The following OLFM2 variants were observed in gnomAD, a reference collection of about 807,000 sequenced individuals.
The protein encoded by OLFM2 is olfactomedin 2.
In OLFM2, 20 loss-of-function variants were observed where a neutral mutation model predicts 43.9. The ratio of observed to expected loss-of-function variants is 0.46; its 90% CI spans 0.32 to 0.66. The LOEUF (loss-of-function observed/expected upper bound fraction) is 0.66. Ranked by LOEUF, OLFM2 falls within the 30% of genes least tolerant of loss-of-function variation. OLFM2 has a pLI of 0.04. For missense variants in OLFM2, 416 were observed against 643.6 expected (o/e 0.65, Z 3.83); for synonymous variants, 268 against 278.6 (o/e 0.96, Z 0.38).
At chr19:9,910,866 T>G (rs2046821773) in intron 1 of OLFM2, among the ~76,000 whole-genome samples, 1 of 151,342 alleles carries the variant, frequency 6.6e-6, no homozygotes, top group African/African-American at 2.4e-5. Flanking sequence ...AGTGGGTGGG[T>G]GTATGAGTGA....
intron 1 of OLFM2, among the ~76,000 whole-genome samples, chr19:9,890,381 G>T (rs529293890): frequency 6.6e-6 from 1 of 152,120 alleles, no homozygotes; most frequent in Non-Finnish European, 1.5e-5. Flanking sequence ...GGGAGGGGGC[G>T]GGCACTGTGG....
chr19:9,865,073 G>A (rs867195543), intron 1 of OLFM2, among the ~76,000 whole-genome samples: 4 of 151,882 alleles, frequency 2.6e-5, no homozygotes, highest in Admixed American at 1.3e-4. Context: ...CAACAAGGAT[G>A]GCCCAGTACA....
intron 1 of OLFM2, among the ~76,000 whole-genome samples, chr19:9,894,911 C>T (rs891337824): frequency 2.0e-5 from 3 of 151,918 alleles, no homozygotes; most frequent in Non-Finnish European, 2.9e-5. Flanking sequence ...ACTCCTTGAC[C>T]GCTCCCCCTG....
At chr19:9,933,808 C>G (rs2086499093) in intron 1 of OLFM2, among the ~76,000 whole-genome samples, 1 of 150,864 alleles carries the variant, frequency 6.6e-6, no homozygotes, top group Non-Finnish European at 1.5e-5. Context: ...CCACTTGCCT[C>G]AACTTCCCAA....
intron 1 of OLFM2, among the ~76,000 whole-genome samples, chr19:9,916,029 A>G (rs1249308760): frequency 1.3e-5 from 2 of 152,012 alleles, no homozygotes; most frequent in East Asian, 1.9e-4. Flanking sequence ...TGTCTGGGAC[A>G]TGGTAAGTTT....
At chr19:9,932,467 AAAAAG>A (rs1430483789) in intron 1 of OLFM2, among the ~76,000 whole-genome samples, 2 of 151,742 alleles carry the variant, frequency 1.3e-5, no homozygotes, top group African/African-American at 2.4e-5. Flanking sequence ...AAAAAAAAAA[AAAAAG>A]AAAGAAAGAG....
intron 1 of OLFM2, among the ~76,000 whole-genome samples, chr19:9,872,046 C>T (rs749131813): frequency 4.6e-5 from 7 of 152,114 alleles, no homozygotes; most frequent in Admixed American, 6.6e-5. Context: ...TCTCTGACTG[C>T]GAGAATGGCA....
intron 1 of OLFM2, among the ~76,000 whole-genome samples, chr19:9,871,113 T>C (rs1036080454): frequency 1.3e-5 from 2 of 151,324 alleles, no homozygotes; most frequent in Non-Finnish European, 2.9e-5. Context: ...CTACTAAAAA[T>C]ACAAAAAATT....
At chr19:9,905,798 C>G (rs116352274) in intron 1 of OLFM2, among the ~76,000 whole-genome samples, 3,838 of 152,236 alleles carry the variant, frequency 0.025, 93 homozygotes, top group South Asian at 0.066. Flanking sequence ...AGAAGAAAAG[C>G]TTTACCTGCA....
chr19:9,866,523 A>G (rs1048242814), intron 1 of OLFM2, among the ~76,000 whole-genome samples: 4 of 138,676 alleles, frequency 2.9e-5, no homozygotes, highest in African/African-American at 1.1e-4. Flanking sequence ...TTTTTGAGAC[A>G]GGGTCTTGCT....
At chr19:9,891,890 T>A (rs887809840) in intron 1 of OLFM2, among the ~76,000 whole-genome samples, 4 of 151,948 alleles carry the variant, frequency 2.6e-5, no homozygotes, top group Non-Finnish European at 5.9e-5. Context: ...TATATATAGG[T>A]TTATGTGTGT....
At chr19:9,887,803 C>T (rs1376879663) in intron 1 of OLFM2, among the ~76,000 whole-genome samples, 1 of 152,126 alleles carries the variant, frequency 6.6e-6, no homozygotes, top group Non-Finnish European at 1.5e-5. Context: ...TATTTTGAGG[C>T]CAGAGGATCA....
chr19:9,861,173 G>A (rs1013533823), intron 1 of OLFM2, among the ~76,000 whole-genome samples: 1 of 150,724 alleles, frequency 6.6e-6, no homozygotes, highest in South Asian at 2.1e-4. Flanking sequence ...GTGACATATC[G>A]GCTCTGGAGC....
chr19:9,882,585 A>G (rs561290438), intron 1 of OLFM2, among the ~76,000 whole-genome samples: 19 of 151,800 alleles, frequency 1.3e-4, no homozygotes, highest in Non-Finnish European at 2.4e-4. Flanking sequence ...GAAACACACA[A>G]TTCAGCCCAT....
chr19:9,912,353 C>A (rs1364881746), intron 1 of OLFM2, among the ~76,000 whole-genome samples: 3 of 152,090 alleles, frequency 2.0e-5, no homozygotes, highest in Non-Finnish European at 4.4e-5. Flanking sequence ...GGAGCAAATT[C>A]TTCTTTGCTC....
At chr19:9,878,544 T>C (rs2046512263) in intron 1 of OLFM2, among the ~76,000 whole-genome samples, 1 of 151,910 alleles carries the variant, frequency 6.6e-6, no homozygotes, top group South Asian at 2.1e-4. Flanking sequence ...CATGAGCACC[T>C]GGCATCAGTT....
chr19:9,923,090 A>C (rs2086430731), intron 1 of OLFM2, among the ~76,000 whole-genome samples: 1 of 152,148 alleles, frequency 6.6e-6, no homozygotes, highest in Non-Finnish European at 1.5e-5. Context: ...CCTATGACCC[A>C]GCAATTCCAC....
chr19:9,857,878 C>A lies in OLFM2; in HGVS notation c.214-17G>T. The A allele has an allele frequency of 6.2e-7, 1 of 1,613,816 alleles. No homozygotes were observed. The highest frequency in any genetic ancestry group is 8.5e-7 in the Non-Finnish European group (1 of 1,180,008). On this transcript the variant is annotated splice_polypyrimidine_tract_variant and intron_variant, in intron 2 of 5. Transcript: ENST00000264833. The surrounding 1 kb of genome is among the most constrained non-coding windows in gnomAD (Gnocchi z 5.7). The stretch of plus-strand genomic sequence containing the variant: ...GTTCTGGACCTAGGAATGGGGACAA[C>A]TGAAGGGACCAGACCTCCTTCCCCA...
intron 1 of OLFM2, among the ~76,000 whole-genome samples, chr19:9,892,502 G>A (rs1318992911): frequency 6.6e-6 from 1 of 152,160 alleles, no homozygotes; most frequent in Non-Finnish European, 1.5e-5. Flanking sequence ...CTTGAGGCCA[G>A]GAGTTCGAGA....
Sources: gnomAD v4.1 joint callset for allele counts (sites outside exome capture counted in the v4.1 genomes callset) on GRCh38, gnomAD v4.1.1 for gene constraint, Gnocchi (gnomAD v3.1) non-coding constraint, MANE v1.5 for transcripts, NCBI Gene and HGNC (gene_info 2026-07-23, HGNC 2026-07-21) for gene names.